The following IL36A variants were observed in gnomAD, a reference collection of about 807,000 sequenced individuals.
IL36A encodes interleukin-36 alpha.
Under a neutral mutation model 12.7 loss-of-function variants are expected in IL36A, and 13 were observed. That is an observed-to-expected ratio of 1.02 (90% CI 0.67 to 1.63). IL36A has a LOEUF of 1.63. IL36A is among the 40% of genes most tolerant of loss of function. The pLI is 0.00. For missense variants in IL36A, 195 were observed against 192.9 expected (o/e 1.01, Z -0.07); for synonymous variants, 73 against 71.9 (o/e 1.01, Z -0.08).
chr2:113,005,980 A>C lies in IL36A; in HGVS notation c.17A>C (p.Lys6Thr). 1.2e-6 allele frequency: 2 copies of C among 1,613,568 alleles called. No individual in the cohort carries two copies. The highest frequency in any genetic ancestry group is 1.7e-6 in the Non-Finnish European group (2 of 1,179,456). Residue 6 changes from lysine (K) to threonine (T), a missense_variant, in exon 2 of 4, where the codon AAA becomes ACA. Coordinates refer to ENST00000259211, the MANE Select transcript of IL36A (RefSeq NM_014440.3). ...ATTTTGACTTTCTCAACAGCATTGA[A>C]AATTGACACACCTCAGCAGGGGAGC... Reference protein sequence around the residue: MEKALKIDTPQQGSIQ... With the variant: MEKALTIDTPQQGSIQ...
downstream of IL36A, among the ~76,000 whole-genome samples, chr2:113,009,124 T>C (rs534624730): frequency 5.3e-5 from 8 of 151,940 alleles, no homozygotes; most frequent in South Asian, 1.7e-3. Context: ...TCCAGCTTCA[T>C]CCATGTCCCT....
chr2:113,007,109 G>T (rs1684639621), intron 3 of IL36A, among the ~76,000 whole-genome samples: 1 of 151,986 alleles, frequency 6.6e-6, no homozygotes, highest in Admixed American at 6.6e-5. Flanking sequence ...ATAATTCTCT[G>T]TAATAAACAC....
chr2:113,008,176 G>A, downstream of IL36A: 1 of 752,914 alleles, frequency 1.3e-6, no homozygotes, highest in East Asian at 2.7e-5. Flanking sequence ...ATATATTCAT[G>A]CAGTGACCTA....
intron 3 of IL36A, 44 bp from the exon 4 acceptor site, chr2:113,007,788 C>T (rs1336039412): frequency 1.4e-6 from 2 of 1,470,826 alleles, no homozygotes; most frequent in African/African-American, 2.8e-5. Flanking sequence ...GTGAAACATT[C>T]AAACAGTTAT....
chr2:113,009,272 A>C (rs544124944), downstream of IL36A, among the ~76,000 whole-genome samples: 3 of 151,780 alleles, frequency 2.0e-5, no homozygotes, highest in African/African-American at 7.2e-5. Flanking sequence ...GGGATCTAGA[A>C]CTAGAAATAC....
At position 113,005,512 on chromosome 2, in the gene IL36A, C is replaced by T. The variant is rs915423029; in HGVS notation, c.-360C>T. On this transcript the variant is annotated 5_prime_UTR_variant, in exon 1 of 4. Transcript: ENST00000259211. ...GTTCATAATGGTAGGGATACAGGGT[C>T]CTTCGTAACAGATTATCAGTGTGGC... 2.4e-5 allele frequency: 9 copies of T among 372,826 alleles called. No individual in the cohort carries two copies. Among genetic ancestry groups the T allele is most frequent in the Non-Finnish European group, 3.5e-5 (7 of 200,798 alleles). 23.1% of individuals were successfully genotyped at this position (372,826 alleles called of 1,614,324 possible).
chr2:113,006,055 T>C lies in IL36A; in HGVS notation c.92T>C (p.Ile31Thr), dbSNP rs1212328927. 6.8e-6 allele frequency: 11 copies of C among 1,613,760 alleles called. No homozygotes were observed. Among genetic ancestry groups the C allele is most frequent in the Admixed American group, 1.7e-5 (1 of 60,000 alleles). Residue 31 changes from isoleucine to threonine, a missense_variant, in exon 2 of 4, where the codon ATA (isoleucine) becomes ACA (threonine). Ile to Thr is a moderately conservative substitution (Grantham distance 89). Transcript: ENST00000259211. ...RVWVLQDQTL[I>T]AVPRKDRMSP... ...TGGGTTCTTCAGGACCAGACGCTCATAGCAGTCCCGAGGAAGGACCGTATG... is the reference window on the plus strand; with the variant it reads ...TGGGTTCTTCAGGACCAGACGCTCACAGCAGTCCCGAGGAAGGACCGTATG...
At position 113,005,806 on chromosome 2, in the gene IL36A, C is replaced by G; in HGVS notation, c.-66C>G. 2 of 1,590,796 alleles carry G rather than the reference C, an allele frequency of 1.3e-6. No homozygotes were observed. The highest frequency in any genetic ancestry group is 1.7e-6 in the Non-Finnish European group (2 of 1,158,788). On this transcript the variant is annotated 5_prime_UTR_variant, in exon 1 of 4. Coordinates refer to ENST00000259211, the MANE Select transcript of IL36A (RefSeq NM_014440.3). ...GTGGCTTGGGACTGACTCAGGTCCTCTCTTGGGGTCGGTCTGCACATAAAA... is the reference window on the plus strand; with the variant it reads ...GTGGCTTGGGACTGACTCAGGTCCTGTCTTGGGGTCGGTCTGCACATAAAA...
At chr2:113,009,682 A>G (rs1367921755), downstream of IL36A, among the ~76,000 whole-genome samples, 1 of 152,218 alleles carries the variant, frequency 6.6e-6, no homozygotes, top group Non-Finnish European at 1.5e-5. Flanking sequence ...TATCTTCCCA[A>G]ACTCAGGTTT....
Position 113,005,638 on chromosome 2 carries a change from G to A in IL36A, c.-234G>A, listed in dbSNP as rs1051099794. The A allele has an allele frequency of 4.8e-5, 29 of 604,944 alleles. No individual in the cohort carries two copies. Among genetic ancestry groups the A allele is most frequent in the Middle Eastern group, 4.4e-4 (1 of 2,272 alleles). 37.5% of individuals were successfully genotyped at this position (604,944 alleles called of 1,614,324 possible). A position where few individuals can be genotyped will look rare whatever the true frequency, so the allele number is the denominator to read the frequency against. On this transcript the variant is annotated 5_prime_UTR_variant, in exon 1 of 4. Coordinates refer to ENST00000259211, the MANE Select transcript of IL36A (RefSeq NM_014440.3). ...GAGTTCCTGGGTCTAGGCCTGGGCA[G>A]GATTCATAGGTGCAGCTGCTTCTGC...
chr2:113,005,981 A>G lies in IL36A; in HGVS notation c.18A>G (p.Lys6=), dbSNP rs750241837. The change falls in exon 2 of 4, where the codon AAA becomes AAG. Residue 6 remains lysine (K), a synonymous_variant. Transcript: ENST00000259211. ...TTTTGACTTTCTCAACAGCATTGAA[A>G]ATTGACACACCTCAGCAGGGGAGCA... The part of the protein sequence containing the change: MEKAL[K]IDTPQQGSIQ... The G allele has an allele frequency of 6.2e-7, 1 of 1,613,580 alleles. No homozygotes were observed. The highest frequency in any genetic ancestry group is 1.7e-5 in the Admixed American group (1 of 60,018).
chr2:113,008,636 AGTAT>A (rs1684681915), downstream of IL36A: 1 of 182,282 alleles, frequency 5.5e-6, no homozygotes, highest in Non-Finnish European at 1.2e-5. Flanking sequence ...TCTGTGATGG[AGTAT>A]CAAGACCTTT....
intron 3 of IL36A, 85 bp downstream of exon 3, chr2:113,006,822 T>G: frequency 1.4e-6 from 2 of 1,420,398 alleles, no homozygotes; most frequent in Non-Finnish European, 1.9e-6. Flanking sequence ...CTTATTATGC[T>G]CATGCATTTT....
downstream of IL36A, among the ~76,000 whole-genome samples, chr2:113,009,462 G>C (rs542220373): frequency 6.6e-6 from 1 of 152,270 alleles, no homozygotes; most frequent in South Asian, 2.1e-4. Context: ...TTCACCTAAA[G>C]TGTTATCACT....
At chr2:113,009,254 A>G (rs1684692698), downstream of IL36A, among the ~76,000 whole-genome samples, 1 of 149,096 alleles carries the variant, frequency 6.7e-6, no homozygotes, top group Non-Finnish European at 1.5e-5. Flanking sequence ...CAGTGTGGCG[A>G]TTTCTCAGGG....
chr2:113,007,062 T>G (rs1466647727), intron 3 of IL36A, among the ~76,000 whole-genome samples: 1 of 152,216 alleles, frequency 6.6e-6, no homozygotes, highest in Non-Finnish European at 1.5e-5. Flanking sequence ...AAACATCTTT[T>G]TGGCAAAAAA....
At position 113,007,907 on chromosome 2, in the gene IL36A, A is replaced by AGT; in HGVS notation, c.341_342insTG (p.Arg114SerfsTer42). 3.7e-6 allele frequency: 6 copies of AGT among 1,614,200 alleles called. No individual in the cohort carries two copies. In the South Asian group the frequency reaches 6.6e-5, roughly 18 times the overall value. On this transcript the variant is annotated frameshift_variant, in exon 4 of 4. Coordinates refer to ENST00000259211, the MANE Select transcript of IL36A (RefSeq NM_014440.3). LOFTEE classifies it low-confidence loss of function (END_TRUNC). ...TCTCTTCTACCACAGCCAGAGTGGC[A>AGT]GGAACTCCACCTTCGAGTCTGTGGC...
chr2:113,007,172 T>C (rs1684640784), intron 3 of IL36A, among the ~76,000 whole-genome samples: 1 of 152,242 alleles, frequency 6.6e-6, no homozygotes, highest in Admixed American at 6.5e-5. Flanking sequence ...AGCAGGCCTC[T>C]GTGTACTACA....
At chr2:113,010,376 T>A (rs568091065), downstream of IL36A, among the ~76,000 whole-genome samples, 1 of 152,224 alleles carries the variant, frequency 6.6e-6, no homozygotes, top group Non-Finnish European at 1.5e-5. Context: ...AAAGTAGAAC[T>A]GTTTCTTCTC....
Sources: allele counts gnomAD v4.1 joint callset (sites outside exome capture counted in the v4.1 genomes callset), GRCh38; gene constraint gnomAD v4.1.1; transcripts MANE v1.5; gene names NCBI Gene and HGNC (gene_info 2026-07-23, HGNC 2026-07-21).